Variants in FGF12 observed in about 807,000 individuals in gnomAD.
FGF12 encodes fibroblast growth factor 12.
A neutral mutation model predicts 23.6 loss-of-function variants in FGF12; 14 were observed. That is an observed-to-expected ratio of 0.59 (90% confidence interval 0.39 to 0.93). FGF12 has a LOEUF of 0.93. Among genes scored for constraint, FGF12 ranks in the 40% least tolerant of loss-of-function variants. FGF12 has a pLI of 0.00. For synonymous variants in FGF12, 62 were observed against 77.3 expected, an observed-to-expected ratio of 0.80 and a Z score of 1.04; for missense variants, 175 against 217.8, an observed-to-expected ratio of 0.80 and a Z score of 1.24.
intron 2 of FGF12, among the ~76,000 whole-genome samples, chr3:192,699,725 A>G (rs1439577657): frequency 6.6e-6 from 1 of 152,164 alleles, no homozygotes; most frequent in South Asian, 2.1e-4. Flanking sequence ...CTCTAATGAA[A>G]TATTAGATCA....
At chr3:192,467,007 A>C (rs1032208955) in intron 2 of FGF12, among the ~76,000 whole-genome samples, 1 of 152,216 alleles carries the variant, frequency 6.6e-6, no homozygotes, top group Admixed American at 6.5e-5. Context: ...TTTTGTTGGA[A>C]GATGATACAA....
At position 192,454,359 on chromosome 3, in the gene FGF12, G is replaced by C. The variant is rs75494551; in HGVS notation, c.14-93821C>G. On this transcript the variant is annotated intron_variant, in intron 2 of 5. Coordinates refer to ENST00000445105, the MANE Select transcript of FGF12 (RefSeq NM_004113.6). ...GCCTACATCTCTCTTAACAAGAAAGGCCTGCATGTTCTATTTCCACAGTCC... is the reference window on the plus strand; with the variant it reads ...GCCTACATCTCTCTTAACAAGAAAGCCCTGCATGTTCTATTTCCACAGTCC... Among the ~76,000 whole-genome samples the C allele has an allele frequency of 3.2e-3, 491 of 152,198 alleles. 2 individuals are homozygous for C. The highest frequency in any genetic ancestry group is 3.7e-3 in the Non-Finnish European group (251 of 67,994).
chr3:192,169,528 A>G (rs145911851), intron 5 of FGF12, among the ~76,000 whole-genome samples: 8 of 152,226 alleles, frequency 5.3e-5, no homozygotes, highest in Admixed American at 5.2e-4. Context: ...GCTATGTACT[A>G]TGCACCAGGC....
At position 192,474,645 on chromosome 3, in the gene FGF12, G is replaced by A. The variant is rs180939037; in HGVS notation, c.14-114107C>T. On this transcript the variant is annotated intron_variant, in intron 2 of 5. Transcript: ENST00000445105. ...TCAGGCCTGTAATCTCAACACTTTGGGAGGCCAAGGTGGGTGGATCACCTG... is the reference window on the plus strand; with the variant it reads ...TCAGGCCTGTAATCTCAACACTTTGAGAGGCCAAGGTGGGTGGATCACCTG... Among the ~76,000 whole-genome samples, 634 of 152,234 alleles carry A rather than the reference G, an allele frequency of 4.2e-3. 3 individuals are homozygous for A. Among genetic ancestry groups the A allele is most frequent in the Admixed American group, 9.2e-3 (140 of 15,296 alleles).
intron 4 of FGF12, among the ~76,000 whole-genome samples, chr3:192,325,296 T>A (rs1716761164): frequency 6.6e-6 from 1 of 152,102 alleles, no homozygotes; most frequent in Admixed American, 6.5e-5. Context: ...CCAATTTTTT[T>A]AAAGGAATGT....
chr3:192,688,261 C>T (rs1717826898), intron 2 of FGF12, among the ~76,000 whole-genome samples: 1 of 152,090 alleles, frequency 6.6e-6, no homozygotes, highest in Non-Finnish European at 1.5e-5. Flanking sequence ...ACATCCACCC[C>T]TTGACCTGGA....
rs371697271 is a variant in FGF12 at position 192,280,637 on chromosome 3, C to T, written c.228+54724G>A. ...TTATGATATTATTTTTTTCTCACAA[C>T]GAACCCATATCTAGGAACTATCATC... On this transcript the variant is annotated intron_variant, in intron 4 of 5. Coordinates refer to ENST00000445105, the MANE Select transcript of FGF12 (RefSeq NM_004113.6). 1.2e-4 allele frequency among the ~76,000 whole-genome samples: 19 copies of T among 152,026 alleles called. No individual in the cohort carries two copies. In the East Asian group the frequency reaches 2.9e-3, roughly 23 times the overall value.
At chr3:192,396,699 G>A (rs550102802) in intron 2 of FGF12, among the ~76,000 whole-genome samples, 1 of 152,322 alleles carries the variant, frequency 6.6e-6, no homozygotes, top group East Asian at 1.9e-4. Flanking sequence ...CCAAGTGCAA[G>A]ATATATAATG....
At chr3:192,157,821 T>C (rs1167325712) in intron 5 of FGF12, among the ~76,000 whole-genome samples, 1 of 152,232 alleles carries the variant, frequency 6.6e-6, no homozygotes. Flanking sequence ...CTATTAAGCA[T>C]TAGTCATCCT....
intron 4 of FGF12, among the ~76,000 whole-genome samples, chr3:192,181,305 TC>T (rs1716157386): frequency 6.6e-6 from 1 of 150,704 alleles, no homozygotes; most frequent in African/African-American, 2.4e-5. Context: ...CACGTCCTCA[TC>T]CCCCAGATTA....
intron 2 of FGF12, among the ~76,000 whole-genome samples, chr3:192,564,020 A>G (rs1329624740): frequency 7.3e-5 from 11 of 151,060 alleles, no homozygotes; most frequent in Non-Finnish European, 1.5e-4. Flanking sequence ...TTAAAATTAG[A>G]CTATGTGTAG....
intron 2 of FGF12, among the ~76,000 whole-genome samples, chr3:192,725,284 G>GTTTT (rs34196239): frequency 9.1e-5 from 13 of 143,492 alleles, no homozygotes; most frequent in African/African-American, 3.3e-4. Flanking sequence ...CTTTCATCAT[G>GTTTT]TTTTTTTTTT....
chr3:192,182,649 A>C (rs35447079), intron 4 of FGF12, among the ~76,000 whole-genome samples: 16,850 of 152,118 alleles, frequency 0.11, 1,132 homozygotes, highest in African/African-American at 0.19. Flanking sequence ...ACTACACTGG[A>C]CCTCAGTACA....
At chr3:192,703,884 T>C (rs1718382719) in intron 2 of FGF12, among the ~76,000 whole-genome samples, 1 of 152,232 alleles carries the variant, frequency 6.6e-6, no homozygotes, top group Admixed American at 6.5e-5. Flanking sequence ...AAAAATTTTT[T>C]TGTAGAGACA....
intron 2 of FGF12, among the ~76,000 whole-genome samples, chr3:192,497,154 C>T (rs1045537382): frequency 6.6e-6 from 1 of 152,174 alleles, no homozygotes; most frequent in African/African-American, 2.4e-5. Context: ...CCTCTGCCGC[C>T]TCCACCCCAC....
intron 3 of FGF12, among the ~76,000 whole-genome samples, chr3:192,359,665 C>T (rs1286144295): frequency 6.6e-6 from 1 of 152,078 alleles, no homozygotes; most frequent in East Asian, 1.9e-4. Flanking sequence ...TTCTAGACTG[C>T]AAATTCATTT....
intron 2 of FGF12, among the ~76,000 whole-genome samples, chr3:192,539,451 T>A (rs897535945): frequency 1.3e-5 from 2 of 152,212 alleles, no homozygotes; most frequent in East Asian, 3.8e-4. Context: ...ATTGATTGAT[T>A]TGTGTATGCT....
intron 2 of FGF12, among the ~76,000 whole-genome samples, chr3:192,374,867 A>G (rs1189122476): frequency 6.6e-6 from 1 of 152,190 alleles, no homozygotes; most frequent in Non-Finnish European, 1.5e-5. Context: ...CATCACCCAT[A>G]TTTAACAAAT....
rs530274736 is a variant in FGF12 at position 192,363,730 on chromosome 3, G to A, written c.14-3192C>T. ...CCATGAAGACTCAGCTATCGTAAGTGAGAATCTCCTTTACGATGAGGAAAA... is the reference window on the plus strand; with the variant it reads ...CCATGAAGACTCAGCTATCGTAAGTAAGAATCTCCTTTACGATGAGGAAAA... On this transcript the variant is annotated intron_variant, in intron 2 of 5. Transcript: ENST00000445105. Among the ~76,000 whole-genome samples, 3 of 152,248 alleles carry A rather than the reference G, an allele frequency of 2.0e-5. No individual in the cohort carries two copies. In the East Asian group the frequency reaches 5.8e-4, roughly 29 times the overall value.
Sources: allele counts gnomAD v4.1 joint callset (sites outside exome capture counted in the v4.1 genomes callset), GRCh38; gene constraint gnomAD v4.1.1; transcripts MANE v1.5; gene names NCBI Gene and HGNC (gene_info 2026-07-23, HGNC 2026-07-21).